Variants in MTRR observed in about 807,000 individuals in gnomAD.
MTRR encodes the protein methionine synthase reductase.
A neutral mutation model predicts 79.2 loss-of-function variants in MTRR; 63 were observed. The observed-to-expected ratio is 0.80, with a 90% CI of 0.65 to 0.98. The LOEUF (loss-of-function observed/expected upper bound fraction) is 0.98, where lower values mean the gene tolerates loss of function less well. Among genes scored for constraint, MTRR ranks in the 50% least tolerant of loss-of-function variants. The pLI is 0.00. For missense variants in MTRR, 895 were observed against 839.6 expected (o/e 1.07, Z -0.82); for synonymous variants, 355 against 313.3 (o/e 1.13, Z -1.41).
chr5:7,860,550 A>G (rs1283090308), intron 1 of MTRR, among the ~76,000 whole-genome samples: 5 of 152,214 alleles, frequency 3.3e-5, no homozygotes, highest in Non-Finnish European at 7.3e-5. Flanking sequence ...AAAGCTCTGA[A>G]AATTCTGTAT....
intron 1 of MTRR, chr5:7,869,558 C>G (rs1216256195): frequency 3.4e-6 from 1 of 295,368 alleles, no homozygotes; most frequent in Non-Finnish European, 6.5e-6. Flanking sequence ...GGGGAACATG[C>G]CGGGTTGGGG....
At chr5:7,896,814 T>G in intron 12 of MTRR, 50 bp from the exon 13 acceptor site, 1 of 1,454,096 alleles carries the variant, frequency 6.9e-7, no homozygotes, top group Middle Eastern at 1.7e-4. Flanking sequence ...AGAGATTGGT[T>G]TTACATATTC....
At chr5:7,851,600 T>G (rs1229019562) in intron 1 of MTRR, 1 of 152,138 alleles carries the variant, frequency 6.6e-6, no homozygotes, top group East Asian at 1.9e-4. Flanking sequence ...GTCCAAAACG[T>G]TATCATTTCA....
chr5:7,851,308 C>T (rs998613499), exon 1 of MTRR: 6 of 337,078 alleles, frequency 1.8e-5, no homozygotes, highest in Non-Finnish European at 2.7e-5. Flanking sequence ...GCGGGGACTA[C>T]CCATTTCCAG....
At chr5:7,860,925 C>T (rs1376114629) in intron 1 of MTRR, among the ~76,000 whole-genome samples, 1 of 152,192 alleles carries the variant, frequency 6.6e-6, no homozygotes, top group East Asian at 1.9e-4. Context: ...GTAACTGTAA[C>T]CAGTCAAGTA....
In MTRR at chr5:7,873,440, C is replaced by T; in HGVS notation, c.197C>T (p.Pro66Leu). The T allele has an allele frequency of 6.2e-7, 1 of 1,614,142 alleles. No homozygotes were observed. Residue 66 changes from proline to leucine, a missense_variant, in exon 3 of 15, where the codon CCC becomes CTC. By Grantham distance (98) the Pro-to-Leu change is moderately conservative. Coordinates refer to ENST00000440940, the MANE Select transcript of MTRR (RefSeq NM_002454.3). ...TCTACCACGGGCACCGGAGACCCACCCGACACAGCCCGCAAGTTTGTTAAG... is the reference window on the plus strand; with the variant it reads ...TCTACCACGGGCACCGGAGACCCACTCGACACAGCCCGCAAGTTTGTTAAG... ...VVSTTGTGDP[P>L]DTARKFVKEI...
At chr5:7,891,000 C>A in intron 9 of MTRR, among the ~76,000 whole-genome samples, 1 of 4,724 alleles carries the variant, frequency 2.1e-4, no homozygotes, top group East Asian at 2.0e-3. Context: ...CACCTCCCTG[C>A]AGAAAACTGC....
intron 8 of MTRR, among the ~76,000 whole-genome samples, chr5:7,887,789 T>C (rs1030938585): frequency 8.9e-5 from 9 of 100,688 alleles, no homozygotes; most frequent in African/African-American, 3.1e-4. Context: ...TGTGTGTGTG[T>C]GTGCATATAT....
Position 7,895,780 on chromosome 5 carries a change from A to G in MTRR, c.1604A>G (p.Asp535Gly). The change falls in exon 12 of 15, where the codon GAC becomes GGC. Residue 535 changes from aspartate (D) to glycine (G), a missense_variant. Physicochemically the swap from Asp to Gly is moderately conservative, Grantham distance 94. Transcript: ENST00000440940. ...ACAAATTCTTTCCACTTACCAGATG[A>G]CCCCTCAATCCCCATCATAATGGTG... ...RTTNSFHLPD[D>G]PSIPIIMVGP... The G allele has an allele frequency of 6.2e-7, 1 of 1,613,988 alleles. No homozygotes were observed. Among genetic ancestry groups the G allele is most frequent in the Non-Finnish European group, 8.5e-7 (1 of 1,179,936 alleles).
At chr5:7,873,172 A>G (rs1381493038) in intron 2 of MTRR, among the ~76,000 whole-genome samples, 2 of 152,224 alleles carry the variant, frequency 1.3e-5, no homozygotes, top group Admixed American at 6.5e-5. Flanking sequence ...AAACAGACGC[A>G]TGGTTTCCTT....
At chr5:7,876,861 T>A (rs1487277054) in intron 4 of MTRR, among the ~76,000 whole-genome samples, 1 of 152,270 alleles carries the variant, frequency 6.6e-6, no homozygotes. Flanking sequence ...AAACACTCAG[T>A]GAACGTTAGT....
intron 2 of MTRR, among the ~76,000 whole-genome samples, chr5:7,864,019 T>C (rs1746752164): frequency 6.6e-6 from 1 of 152,166 alleles, no homozygotes; most frequent in African/African-American, 2.4e-5. Context: ...CCGGCTAATT[T>C]TTTGTATTTT....
chr5:7,863,122 G>A, intron 2 of MTRR: 1 of 798,362 alleles, frequency 1.3e-6, no homozygotes, highest in South Asian at 1.5e-5. Context: ...ACTTTTCCAG[G>A]AATTGGGACA....
chr5:7,869,120 C>T (rs763340809), upstream of MTRR: 4 of 1,613,384 alleles, frequency 2.5e-6, no homozygotes, highest in Admixed American at 1.7e-5. Flanking sequence ...TTCTATTGGT[C>T]CTGGGTACCG....
chr5:7,895,643 C>A (rs1738373652), intron 11 of MTRR, 91 bp from the exon 12 acceptor site: 1 of 1,517,548 alleles, frequency 6.6e-7, no homozygotes, highest in African/African-American at 1.4e-5. Context: ...GGGAATTTTC[C>A]CTTTCTGATT....
At chr5:7,866,089 C>T, upstream of MTRR, 3 of 812,292 alleles carry the variant, frequency 3.7e-6, no homozygotes, top group Admixed American at 2.1e-5. Context: ...CAGAAGTATT[C>T]TATTTTTAAA....
intron 2 of MTRR, among the ~76,000 whole-genome samples, chr5:7,862,586 C>T (rs1214235788): frequency 6.6e-6 from 1 of 151,868 alleles, no homozygotes; most frequent in African/African-American, 2.4e-5. Context: ...AAGAAGCAAG[C>T]AGAAAAAGGT....
intron 11 of MTRR, among the ~76,000 whole-genome samples, 187 bp from the exon 12 acceptor site, chr5:7,895,547 T>G (rs556531015): frequency 6.6e-6 from 1 of 152,344 alleles, no homozygotes; most frequent in African/African-American, 2.4e-5. Context: ...AAGAAAAATT[T>G]GCAAGACAAA....
Position 7,873,448 on chromosome 5 carries a change from G to T in MTRR, c.205G>T (p.Ala69Ser). ...TTGTGDPPDT[A>S]RKFVKEIQNQ... The stretch of plus-strand genomic sequence containing the variant: ...GGGCACCGGAGACCCACCCGACACA[G>T]CCCGCAAGTTTGTTAAGGAAATACA... The change falls in exon 3 of 15, where the codon GCC becomes TCC. Residue 69 changes from alanine (A) to serine (S), a missense_variant. Transcript: ENST00000440940. The T allele has an allele frequency of 6.2e-7, 1 of 1,614,130 alleles. No individual in the cohort carries two copies. Among genetic ancestry groups the T allele is most frequent in the Non-Finnish European group, 8.5e-7 (1 of 1,180,028 alleles).
Sources: gnomAD v4.1 joint callset for allele counts (sites outside exome capture counted in the v4.1 genomes callset) on GRCh38, gnomAD v4.1.1 for gene constraint, MANE v1.5 for transcripts, NCBI Gene and HGNC (gene_info 2026-07-23, HGNC 2026-07-21) for gene names.